The following STOX2 variants were observed in gnomAD, a reference collection of about 807,000 sequenced individuals.
STOX2 encodes the protein storkhead-box protein 2.
STOX2 carries 28 observed loss-of-function variants against 60.9 expected under a neutral mutation model. The observed-to-expected ratio is 0.46, with a 90% CI of 0.34 to 0.63. The LOEUF is 0.63. STOX2 is among the 30% of genes least tolerant of loss of function. The pLI is 0.01. For missense variants in STOX2, 1,024 were observed against 1,187.7 expected (o/e 0.86, Z 2.03); for synonymous variants, 472 against 463.9 (o/e 1.02, Z -0.22).
intron 1 of STOX2, among the ~76,000 whole-genome samples, chr4:183,971,684 G>T (rs963682718): frequency 6.6e-6 from 1 of 152,158 alleles, no homozygotes; most frequent in African/African-American, 2.4e-5. Flanking sequence ...ATTTTTTAAG[G>T]CTAAAATAAA....
intron 1 of STOX2, among the ~76,000 whole-genome samples, chr4:183,896,536 C>G (rs1741343709): frequency 6.6e-6 from 1 of 152,174 alleles, no homozygotes; most frequent in South Asian, 2.1e-4. Context: ...GAGACGGGAT[C>G]TTGTTATGTT....
chr4:184,006,256 TG>T (rs1733820400), intron 2 of STOX2, among the ~76,000 whole-genome samples: 1 of 152,040 alleles, frequency 6.6e-6, no homozygotes, highest in Non-Finnish European at 1.5e-5. Context: ...ACCTTACGAG[TG>T]TTTGAAAAAG....
chr4:183,908,373 A>G (rs1026715979), intron 1 of STOX2, among the ~76,000 whole-genome samples: 1 of 152,214 alleles, frequency 6.6e-6, no homozygotes, highest in Non-Finnish European at 1.5e-5. Context: ...ACATATGTAC[A>G]TAAACCCATT....
At chr4:183,890,495 A>C (rs1016957950) in intron 1 of STOX2, among the ~76,000 whole-genome samples, 2 of 72,758 alleles carry the variant, frequency 2.7e-5, no homozygotes, top group African/African-American at 9.0e-5. Flanking sequence ...AAAAAAAAAA[A>C]AAAACAGCAA....
At chr4:183,949,346 CTTTGAT>C (rs1327075432) in intron 1 of STOX2, among the ~76,000 whole-genome samples, 1 of 152,060 alleles carries the variant, frequency 6.6e-6, no homozygotes, top group Non-Finnish European at 1.5e-5. Flanking sequence ...CTCTTTTTGT[CTTTGAT>C]TTTAAGAAAC....
At chr4:183,826,008 A>C (rs1192630270) in intron 1 of STOX2, among the ~76,000 whole-genome samples, 1 of 152,036 alleles carries the variant, frequency 6.6e-6, no homozygotes, top group African/African-American at 2.4e-5. Flanking sequence ...CTGTTTGTCT[A>C]ATCTAGAAGT....
At chr4:183,888,609 G>C (rs1359131801) in intron 1 of STOX2, among the ~76,000 whole-genome samples, 1 of 152,148 alleles carries the variant, frequency 6.6e-6, no homozygotes, top group African/African-American at 2.4e-5. Flanking sequence ...ATTGGGACCT[G>C]GATTAATTCT....
intron 1 of STOX2, among the ~76,000 whole-genome samples, chr4:183,866,893 A>G (rs1740580064): frequency 6.6e-6 from 1 of 152,070 alleles, no homozygotes; most frequent in Admixed American, 6.5e-5. Flanking sequence ...CAGACAAACA[A>G]ACAAACAAAC....
rs796267250 is a variant in STOX2, at chr4:183,806,345, C to G, written c.364+8290C>G. Reference sequence around the variant, plus strand: ...ACATGATGTCCCTTAGTCTAGCTCTCTGGCATGGAAGCTGGGGATGCATAG... The same window carrying G: ...ACATGATGTCCCTTAGTCTAGCTCTGTGGCATGGAAGCTGGGGATGCATAG... On this transcript the variant is annotated intron_variant, in intron 1 of 2. Transcript: ENST00000513034. This position sits in a 1 kb window ranked among gnomAD's most constrained non-coding sequence, Gnocchi z 4.1. 1.3e-5 allele frequency among the ~76,000 whole-genome samples: 2 copies of G among 152,322 alleles called. No homozygotes were observed. The highest frequency in any genetic ancestry group is 2.4e-5 in the African/African-American group (1 of 41,568).
chr4:183,861,466 T>A (rs13150058), intron 1 of STOX2, among the ~76,000 whole-genome samples: 1 of 151,998 alleles, frequency 6.6e-6, no homozygotes, highest in Non-Finnish European at 1.5e-5. Flanking sequence ...CGAGAGCCTC[T>A]AGGGAGAGAC....
At chr4:184,000,980 A>G (rs931688765) in intron 1 of STOX2, among the ~76,000 whole-genome samples, 2 of 152,266 alleles carry the variant, frequency 1.3e-5, no homozygotes, top group African/African-American at 2.4e-5. Flanking sequence ...TTGTCGGGAT[A>G]TGAATGGCAG....
intron 1 of STOX2, among the ~76,000 whole-genome samples, chr4:183,965,000 G>T (rs1009467229): frequency 3.3e-5 from 5 of 152,220 alleles, no homozygotes; most frequent in Non-Finnish European, 7.3e-5. Context: ...TTCTTATCAC[G>T]AAACAGTGCT....
At chr4:183,827,104 T>C (rs1016070442) in intron 1 of STOX2, among the ~76,000 whole-genome samples, 5 of 152,202 alleles carry the variant, frequency 3.3e-5, no homozygotes, top group African/African-American at 7.2e-5. Flanking sequence ...GTATAGTCAG[T>C]ATTTGAACTC....
chr4:183,912,815 C>T (rs1021571226), intron 1 of STOX2, among the ~76,000 whole-genome samples: 10 of 152,166 alleles, frequency 6.6e-5, no homozygotes. Flanking sequence ...GTGACTAAAA[C>T]ATGACTTCTT....
Position 184,009,511 on chromosome 4 carries a change from C to T in STOX2, c.673C>T (p.Pro225Ser). Residue 225 changes from proline (P) to serine (S), a missense_variant, in exon 3 of 4, where the codon CCT (proline) becomes TCT (serine). Pro to Ser is a moderately conservative substitution (Grantham distance 74). This residue lies in a region of STOX2 where 922 missense variants were observed against 1,058.3 expected (regional missense o/e 0.87). Coordinates refer to ENST00000308497, the MANE Select transcript of STOX2 (RefSeq NM_020225.3). This position sits in a 1 kb window ranked among gnomAD's most constrained non-coding sequence, Gnocchi z 4.0. ...GAAGTCTGCCAAGGACTGCAAAGAC[C>T]CTTACTGTCCCCCTTCTCTGTGCCA... ...QRKSAKDCKD[P>S]YCPPSLCQVP... 6.2e-7 allele frequency: 1 copy of T among 1,614,032 alleles called. No homozygotes were observed. The highest frequency in any genetic ancestry group is 2.2e-5 in the East Asian group (1 of 44,886).
rs1340933887 is a variant in STOX2, at chr4:183,808,558, A to G, written c.364+10503A>G. Reference sequence around the variant, plus strand: ...TGTCCAAGGAAAGTCTTTAATCGTTAGTAGACTGTGAGGTAATGTAGAAAA... The same window carrying G: ...TGTCCAAGGAAAGTCTTTAATCGTTGGTAGACTGTGAGGTAATGTAGAAAA... On this transcript the variant is annotated intron_variant, in intron 1 of 2. Transcript: ENST00000513034. Among the ~76,000 whole-genome samples, 5 of 152,232 alleles carry G rather than the reference A, an allele frequency of 3.3e-5. No homozygotes were observed. The East Asian group carries it at 9.6e-4, about 29-fold the overall frequency.
At chr4:183,996,546 A>G (rs1423530103) in intron 1 of STOX2, among the ~76,000 whole-genome samples, 1 of 152,188 alleles carries the variant, frequency 6.6e-6, no homozygotes, top group African/African-American at 2.4e-5. Context: ...TAGTTGGAAG[A>G]ATTTTCTAGT....
chr4:183,802,360 T>C (rs983011656), intron 1 of STOX2, among the ~76,000 whole-genome samples: 1 of 152,198 alleles, frequency 6.6e-6, no homozygotes, highest in African/African-American at 2.4e-5. Context: ...CCCCAAATAG[T>C]AGATTTTTAA....
At chr4:183,798,505 G>A (rs952393535) in intron 1 of STOX2, 6 of 507,422 alleles carry the variant, frequency 1.2e-5, no homozygotes, top group South Asian at 8.5e-5. Context: ...CGGCGGCTCA[G>A]GTGCGCCCGG....
Sources: allele counts gnomAD v4.1 joint callset (sites outside exome capture counted in the v4.1 genomes callset), GRCh38; gene constraint gnomAD v4.1.1; regional missense constraint gnomAD v4.1.1; non-coding constraint Gnocchi (gnomAD v3.1); transcripts MANE v1.5; gene names NCBI Gene and HGNC (gene_info 2026-07-23, HGNC 2026-07-21).